Variants in MGAT4C observed in about 807,000 individuals in gnomAD.
The protein encoded by MGAT4C is MGAT4 family member C.
Under a neutral mutation model 40.1 loss-of-function variants are expected in MGAT4C, and 19 were observed. That is an observed-to-expected ratio of 0.47 (90% confidence interval 0.33 to 0.70). The LOEUF (loss-of-function observed/expected upper bound fraction) is 0.70, where lower values mean the gene tolerates loss of function less well. MGAT4C is among the 30% of genes least tolerant of loss of function. The probability of loss-of-function intolerance (pLI) is 0.02; values close to 1 mark genes in which losing one functional copy is unlikely to be tolerated. For synonymous variants in MGAT4C, 181 were observed against 187.1 expected, an observed-to-expected ratio of 0.97 and a Z score of 0.27; for missense variants, 491 against 563.2, an observed-to-expected ratio of 0.87 and a Z score of 1.30.
chr12:86,240,142 C>T (rs890523044), intron 1 of MGAT4C, among the ~76,000 whole-genome samples: 1 of 150,946 alleles, frequency 6.6e-6, no homozygotes, highest in Non-Finnish European at 1.5e-5. Flanking sequence ...ATCAAATGTG[C>T]TTTGTTTTTC....
intron 3 of MGAT4C, among the ~76,000 whole-genome samples, chr12:86,416,019 A>T (rs1956703641): frequency 6.6e-6 from 1 of 152,042 alleles, no homozygotes; most frequent in Admixed American, 6.6e-5. Flanking sequence ...TTAGAGGGGA[A>T]AATAGGCTTA....
At chr12:86,650,284 A>G (rs757846062) in intron 2 of MGAT4C, among the ~76,000 whole-genome samples, 24 of 151,930 alleles carry the variant, frequency 1.6e-4, no homozygotes, top group Non-Finnish European at 2.9e-4. Context: ...AGTTCTACCA[A>G]GTATATTTCT....
chr12:86,086,537 TA>T (rs1221566812), intron 1 of MGAT4C, among the ~76,000 whole-genome samples: 6 of 151,950 alleles, frequency 3.9e-5, no homozygotes, highest in Non-Finnish European at 7.4e-5. Context: ...AGTATAGTAA[TA>T]AAAAAGTTAT....
intron 1 of MGAT4C, among the ~76,000 whole-genome samples, chr12:86,800,052 T>C (rs543072963): frequency 2.6e-5 from 4 of 152,056 alleles, no homozygotes; most frequent in Non-Finnish European, 4.4e-5. Context: ...GATGCAGCCA[T>C]TGACTTTTCC....
intron 1 of MGAT4C, among the ~76,000 whole-genome samples, chr12:86,736,192 C>T (rs1453459706): frequency 6.6e-6 from 1 of 151,814 alleles, no homozygotes; most frequent in Non-Finnish European, 1.5e-5. Flanking sequence ...CCAAAACTAA[C>T]TTCTGTGATT....
At chr12:86,545,755 G>A (rs192791301) in intron 2 of MGAT4C, among the ~76,000 whole-genome samples, 2 of 151,396 alleles carry the variant, frequency 1.3e-5, no homozygotes, top group East Asian at 1.9e-4. Context: ...TTGATAGAAG[G>A]GAATTATGGT....
chr12:86,010,682 AAACAAACAAACC>A (rs374880458), intron 2 of MGAT4C, among the ~76,000 whole-genome samples: 37,076 of 146,132 alleles, frequency 0.25, 5,204 homozygotes, highest in Non-Finnish European at 0.32. Flanking sequence ...TGTCTCTAAC[AAACAAACAAACC>A]AACAAACAAA....
At chr12:86,240,736 C>T (rs769225129) in intron 1 of MGAT4C, among the ~76,000 whole-genome samples, 1 of 151,896 alleles carries the variant, frequency 6.6e-6, no homozygotes, top group African/African-American at 2.4e-5. Context: ...TTTTTATTGC[C>T]TAGAATAACT....
At chr12:86,226,289 A>G (rs1951071319) in intron 1 of MGAT4C, among the ~76,000 whole-genome samples, 1 of 152,010 alleles carries the variant, frequency 6.6e-6, no homozygotes, top group South Asian at 2.1e-4. Flanking sequence ...TATCAGAACC[A>G]TAGAATTTGC....
At chr12:86,006,711 C>A (rs1887921211) in intron 2 of MGAT4C, among the ~76,000 whole-genome samples, 1 of 152,146 alleles carries the variant, frequency 6.6e-6, no homozygotes, top group South Asian at 2.1e-4. Context: ...TCAAATTTTT[C>A]ATCCACCACC....
Position 85,955,935 on chromosome 12 carries a change from G to T in MGAT4C, c.*23354C>A, listed in dbSNP as rs1421570166. ...TCAATCAGTAAATATCAACTACAAGGTTAGTGCAATTACACTTGTTAGGGC... is the reference window on the plus strand; with the variant it reads ...TCAATCAGTAAATATCAACTACAAGTTTAGTGCAATTACACTTGTTAGGGC... On this transcript the variant is annotated 3_prime_UTR_variant, in exon 5 of 5. Transcript: ENST00000611864. 1 of 152,060 alleles carries T rather than the reference G, an allele frequency of 6.6e-6. No homozygotes were observed. The highest frequency in any genetic ancestry group is 1.5e-5 in the Non-Finnish European group (1 of 67,994). The allele number at this position is 152,060 out of a possible 1,614,324, so 9.4% of individuals were successfully genotyped here.
intron 2 of MGAT4C, among the ~76,000 whole-genome samples, chr12:86,634,364 T>G (rs1421307282): frequency 6.6e-6 from 1 of 152,132 alleles, no homozygotes; most frequent in Non-Finnish European, 1.5e-5. Context: ...CAGGACTGAA[T>G]TTATGGAGTT....
chr12:86,160,786 T>C (rs887887243), intron 1 of MGAT4C, among the ~76,000 whole-genome samples: 33 of 152,096 alleles, frequency 2.2e-4, no homozygotes, highest in African/African-American at 8.0e-4. Flanking sequence ...TTAGGATACT[T>C]AAGGCTTCTT....
intron 4 of MGAT4C, among the ~76,000 whole-genome samples, chr12:86,270,591 G>A (rs1952921710): frequency 6.6e-6 from 1 of 151,990 alleles, no homozygotes; most frequent in African/African-American, 2.4e-5. Flanking sequence ...GCATGTGTTA[G>A]AATTTCACTT....
intron 2 of MGAT4C, among the ~76,000 whole-genome samples, chr12:86,518,851 C>T (rs1162774417): frequency 6.6e-6 from 1 of 151,904 alleles, no homozygotes; most frequent in Non-Finnish European, 1.5e-5. Context: ...AAATCCTACT[C>T]AGCAGTAAAA....
chr12:86,516,814 A>T lies in MGAT4C; in HGVS notation c.-228-81549T>A, dbSNP rs11103977. ...ATTTCTCATATATGAAGTGCAAATT[A>T]GCACAACAATGAGATACCTCTGTCT... is the stretch of plus-strand genomic sequence containing the variant. On this transcript the variant is annotated intron_variant, in intron 2 of 7. Coordinates refer to the MGAT4C transcript ENST00000548651. Among the ~76,000 whole-genome samples the T allele has an allele frequency of 4.9e-3, 738 of 151,988 alleles. 2 individuals carry two copies. The highest frequency in any genetic ancestry group is 8.0e-3 in the Non-Finnish European group (546 of 68,010).
chr12:86,494,946 T>C (rs1253909445), intron 2 of MGAT4C, among the ~76,000 whole-genome samples: 1 of 151,986 alleles, frequency 6.6e-6, no homozygotes, highest in Non-Finnish European at 1.5e-5. Flanking sequence ...AAGAATGAAG[T>C]TGGGAATATA....
chr12:86,017,166 G>A (rs1889167545), intron 2 of MGAT4C, among the ~76,000 whole-genome samples: 1 of 152,110 alleles, frequency 6.6e-6, no homozygotes, highest in Non-Finnish European at 1.5e-5. Context: ...GTACTCAGCG[G>A]AGTGTTTAAA....
intron 1 of MGAT4C, among the ~76,000 whole-genome samples, chr12:86,131,726 G>A (rs182505208): frequency 2.5e-4 from 26 of 104,120 alleles, no homozygotes; most frequent in African/African-American, 1.0e-3. Context: ...AAGTAAGGAG[G>A]TGATTTATAA....
Sources: allele counts gnomAD v4.1 joint callset (sites outside exome capture counted in the v4.1 genomes callset), GRCh38; gene constraint gnomAD v4.1.1; transcripts MANE v1.5; gene names NCBI Gene and HGNC (gene_info 2026-07-23, HGNC 2026-07-21).